MBOAT2: variants seen among roughly 807,000 people sequenced by gnomAD.
MBOAT2 encodes membrane-bound glycerophospholipid O-acyltransferase 2.
Under a neutral mutation model 63.4 loss-of-function variants are expected in MBOAT2, and 28 were observed. The ratio of observed to expected loss-of-function variants is 0.44; its 90% confidence interval spans 0.33 to 0.61. The LOEUF is 0.61. MBOAT2 is among the 20% of genes least tolerant of loss of function. The pLI, the probability that MBOAT2 is intolerant of heterozygous loss-of-function variation, is 0.03. For synonymous variants in MBOAT2, 211 were observed against 215.6 expected, an observed-to-expected ratio of 0.98 and a Z score of 0.19; for missense variants, 470 against 605.8, an observed-to-expected ratio of 0.78 and a Z score of 2.35.
chr2:8,860,861 G>C, intron 11 of MBOAT2, 97 bp from the exon 12 acceptor site: 2 of 994,018 alleles, frequency 2.0e-6, no homozygotes, highest in Non-Finnish European at 2.9e-6. Flanking sequence ...ATGTGGAGTA[G>C]AGTAACTGAA....
intron 1 of MBOAT2, among the ~76,000 whole-genome samples, chr2:8,963,698 G>C (rs1669788541): frequency 6.6e-6 from 1 of 152,190 alleles, no homozygotes; most frequent in Non-Finnish European, 1.5e-5. Flanking sequence ...AGAAATACTA[G>C]TAAGTGAAAG....
intron 3 of MBOAT2, among the ~76,000 whole-genome samples, chr2:8,938,229 G>A (rs1667799536): frequency 1.3e-5 from 2 of 152,110 alleles, no homozygotes; most frequent in African/African-American, 4.8e-5. Context: ...CACATATGAT[G>A]CATTTGTTTC....
chr2:8,899,309 A>G (rs1002331194), intron 4 of MBOAT2, among the ~76,000 whole-genome samples: 3 of 152,226 alleles, frequency 2.0e-5, no homozygotes, highest in Admixed American at 6.5e-5. Context: ...CAGGCATGTG[A>G]AAAGAGCCAA....
chr2:8,900,750 A>G (rs1398879623), intron 4 of MBOAT2, among the ~76,000 whole-genome samples: 2 of 152,184 alleles, frequency 1.3e-5, no homozygotes, highest in Non-Finnish European at 2.9e-5. Context: ...TTCTCCTTCA[A>G]TGAAAAGAAA....
At chr2:8,941,432 G>C (rs917014202) in intron 3 of MBOAT2, among the ~76,000 whole-genome samples, 1 of 152,116 alleles carries the variant, frequency 6.6e-6, no homozygotes, top group Non-Finnish European at 1.5e-5. Context: ...ATCATTTTCT[G>C]CAATGACAGA....
intron 1 of MBOAT2, among the ~76,000 whole-genome samples, chr2:8,966,554 G>A (rs1196895657): frequency 6.6e-6 from 1 of 152,108 alleles, no homozygotes; most frequent in Non-Finnish European, 1.5e-5. Context: ...GTGCAGCTAC[G>A]TTTGGAAAAC....
chr2:8,934,239 C>T (rs939496157), intron 3 of MBOAT2, among the ~76,000 whole-genome samples: 1 of 152,212 alleles, frequency 6.6e-6, no homozygotes, highest in African/African-American at 2.4e-5. Context: ...GATGAACAAT[C>T]ACCAACACCT....
At chr2:8,896,556 T>C (rs570938450) in intron 4 of MBOAT2, among the ~76,000 whole-genome samples, 2 of 152,370 alleles carry the variant, frequency 1.3e-5, no homozygotes, top group Non-Finnish European at 2.9e-5. Context: ...TGTTAACTTT[T>C]AGCAAAATTT....
At chr2:8,948,163 G>A (rs1386209725) in intron 2 of MBOAT2, among the ~76,000 whole-genome samples, 2 of 152,134 alleles carry the variant, frequency 1.3e-5, no homozygotes, top group Non-Finnish European at 2.9e-5. Context: ...GTGGAAAATA[G>A]CAAGAAAACT....
intron 3 of MBOAT2, among the ~76,000 whole-genome samples, chr2:8,935,485 A>G (rs1201702589): frequency 6.6e-6 from 1 of 152,248 alleles, no homozygotes; most frequent in Non-Finnish European, 1.5e-5. Context: ...GGTGATAAAT[A>G]TGACAGTATG....
chr2:8,967,892 G>A (rs1415490292), intron 1 of MBOAT2, among the ~76,000 whole-genome samples: 2 of 151,988 alleles, frequency 1.3e-5, no homozygotes, highest in African/African-American at 2.4e-5. Flanking sequence ...CAAAGTCAAA[G>A]GACAAACAAC....
At chr2:8,908,478 A>G in intron 4 of MBOAT2, 143 bp downstream of exon 4, 1 of 579,400 alleles carries the variant, frequency 1.7e-6, no homozygotes, top group Non-Finnish European at 3.1e-6. Flanking sequence ...CAAGAGAGAA[A>G]TTCTAAATTT....
At chr2:8,908,395 AG>A in intron 4 of MBOAT2, 2 of 393,570 alleles carry the variant, frequency 5.1e-6, no homozygotes, top group Non-Finnish European at 9.2e-6. Context: ...TAAGAACCAA[AG>A]GAAGTTCCAT....
At chr2:8,960,330 C>A (rs1010310518) in intron 1 of MBOAT2, among the ~76,000 whole-genome samples, 1 of 152,144 alleles carries the variant, frequency 6.6e-6, no homozygotes, top group African/African-American at 2.4e-5. Flanking sequence ...CTACTATGGG[C>A]AAACATGGGA....
At chr2:8,917,397 T>C (rs561839581) in intron 3 of MBOAT2, among the ~76,000 whole-genome samples, 1 of 151,606 alleles carries the variant, frequency 6.6e-6, no homozygotes, top group South Asian at 2.1e-4. Context: ...TAATGAATTA[T>C]AAAAAAAAAT....
At chr2:8,965,534 T>C (rs565923435) in intron 1 of MBOAT2, among the ~76,000 whole-genome samples, 2 of 152,226 alleles carry the variant, frequency 1.3e-5, no homozygotes, top group Non-Finnish European at 2.9e-5. Flanking sequence ...TTAATTAACA[T>C]GTGGTTAAAA....
chr2:8,995,622 G>A (rs935500091), intron 1 of MBOAT2, among the ~76,000 whole-genome samples: 15 of 132,610 alleles, frequency 1.1e-4, no homozygotes, highest in African/African-American at 3.0e-4. Flanking sequence ...ACGGAGTCTC[G>A]CTCTGTCACC....
At chr2:8,916,015 GAC>G (rs774509451) in intron 3 of MBOAT2, among the ~76,000 whole-genome samples, 13 of 152,304 alleles carry the variant, frequency 8.5e-5, no homozygotes, top group Admixed American at 8.5e-4. Flanking sequence ...GATGAAGCAT[GAC>G]ACAGAGCTTT....
At chr2:8,880,549 T>C (rs775922250) in intron 6 of MBOAT2, among the ~76,000 whole-genome samples, 3 of 152,106 alleles carry the variant, frequency 2.0e-5, no homozygotes, top group Non-Finnish European at 2.9e-5. Flanking sequence ...GGGAGTGGAT[T>C]GGGCGGGAAT....
Sources: allele counts gnomAD v4.1 joint callset (sites outside exome capture counted in the v4.1 genomes callset), GRCh38; gene constraint gnomAD v4.1.1; transcripts MANE v1.5; gene names NCBI Gene and HGNC (gene_info 2026-07-23, HGNC 2026-07-21).